Variants in ZNF17 observed in about 807,000 individuals in gnomAD.
The protein encoded by ZNF17 is zinc finger protein 17 (HPF3, KOX 10).
Under a neutral mutation model 7.7 loss-of-function variants are expected in ZNF17, and 4 were observed. That is an observed-to-expected ratio of 0.52 (90% CI 0.26 to 1.20). The LOEUF (loss-of-function observed/expected upper bound fraction) is 1.20. Ranked by LOEUF, ZNF17 falls within the 50% of genes most tolerant of loss-of-function variation. ZNF17 has a pLI of 0.14. For synonymous variants in ZNF17, 249 were observed against 258.8 expected, an observed-to-expected ratio of 0.96 and a Z score of 0.36; for missense variants, 738 against 799.5, an observed-to-expected ratio of 0.92 and a Z score of 0.93.
Position 57,413,651 on chromosome 19 carries a change from T to C in ZNF17, c.21+15T>C. ...ATGCTGGACAGGTGAGTGGAGAGTG[T>C]TTCCAGCTTTCACCCATCCCAGATG... On this transcript the variant is annotated intron_variant, in intron 2 of 3. Coordinates refer to ENST00000307658, the MANE Select transcript of ZNF17 (RefSeq NM_001330617.2). 6.5e-7 allele frequency: 1 copy of C among 1,536,082 alleles called. No individual in the cohort carries two copies.
intron 2 of ZNF17, among the ~76,000 whole-genome samples, chr19:57,416,947 G>C (rs116969157): frequency 6.6e-6 from 1 of 152,198 alleles, no homozygotes. Flanking sequence ...TCCTTCAGAA[G>C]TGGGTGGAGG....
At position 57,421,107 on chromosome 19, in the gene ZNF17, T is replaced by A. The variant is rs751065105; in HGVS notation, c.1621T>A (p.Ser541Thr). The change falls in exon 4 of 4, where the codon TCA (serine) becomes ACA (threonine). Residue 541 changes from serine (S) to threonine (T), a missense_variant. Ser to Thr is a moderately conservative substitution (Grantham distance 58). Coordinates refer to ENST00000307658, the MANE Select transcript of ZNF17 (RefSeq NM_001330617.2). Reference sequence around the variant, plus strand: ...ATGTGGGAAATTCTTTAGGCACAACTCAAATCATATTAGACATCGGAGAAA... The same window carrying A: ...ATGTGGGAAATTCTTTAGGCACAACACAAATCATATTAGACATCGGAGAAA... The part of the protein sequence containing the change: ...SECGKFFRHN[S>T]NHIRHRRNHF... 2.5e-6 allele frequency: 4 copies of A among 1,613,916 alleles called. No individual in the cohort carries two copies. Among genetic ancestry groups the A allele is most frequent in the Non-Finnish European group, 8.5e-7 (1 of 1,179,856 alleles).
chr19:57,420,681 T>G lies in ZNF17; in HGVS notation c.1195T>G (p.Tyr399Asp), dbSNP rs1268967583. The part of the protein sequence containing the change: ...ECNECGKFFR[Y>D]RSTLIRHQKV... ...CAACGAATGTGGGAAATTCTTTAGA[T>G]ACCGTTCCACACTCATTAGACATCA... is the stretch of plus-strand genomic sequence containing the variant. The change falls in exon 4 of 4, where the codon TAC (tyrosine) becomes GAC (aspartate). Residue 399 changes from tyrosine (Y) to aspartate (D), a missense_variant. Transcript: ENST00000307658. The G allele has an allele frequency of 6.2e-7, 1 of 1,613,620 alleles. No individual in the cohort carries two copies. Among genetic ancestry groups the G allele is most frequent in the Admixed American group, 1.7e-5 (1 of 59,976 alleles).
At position 57,416,402 on chromosome 19, in the gene ZNF17, G is replaced by A. The variant is rs368463653; in HGVS notation, c.22-1510G>A. 6.6e-5 allele frequency among the ~76,000 whole-genome samples: 10 copies of A among 152,278 alleles called. 1 individual carries two copies. In the East Asian group the frequency reaches 1.5e-3, roughly 24 times the overall value. On this transcript the variant is annotated intron_variant, in intron 2 of 3. Coordinates refer to ENST00000307658, the MANE Select transcript of ZNF17 (RefSeq NM_001330617.2). Reference sequence around the variant, plus strand: ...TCCACCTCTGGCACTGGGCACTTAAGGGAGGAGGGTGAGTCCAAGTTTGGT... The same window carrying A: ...TCCACCTCTGGCACTGGGCACTTAAAGGAGGAGGGTGAGTCCAAGTTTGGT...
Position 57,413,579 on chromosome 19 carries a change from C to T in ZNF17, c.-20-17C>T, listed in dbSNP as rs1249030237. The T allele has an allele frequency of 3.3e-6, 5 of 1,535,724 alleles. No individual in the cohort carries two copies. The Admixed American group carries it at 9.8e-5, about 30-fold the overall frequency. The stretch of plus-strand genomic sequence containing the variant: ...TGCAATGCTGTCTTAATCCTCATGG[C>T]CTGCCTCTTCCCACAGGGTTCATAG... On this transcript the variant is annotated splice_polypyrimidine_tract_variant and intron_variant, in intron 1 of 3. Coordinates refer to ENST00000307658, the MANE Select transcript of ZNF17 (RefSeq NM_001330617.2).
In ZNF17 at chr19:57,419,684, T is replaced by C; in HGVS notation, c.198T>C (p.Val66=). 6.2e-7 allele frequency: 1 copy of C among 1,614,088 alleles called. No individual in the cohort carries two copies. The highest frequency in any genetic ancestry group is 1.7e-5 in the Admixed American group (1 of 60,018). The change falls in exon 4 of 4, where the codon GTT becomes GTC. Residue 66 remains valine, a synonymous_variant. Coordinates refer to ENST00000307658, the MANE Select transcript of ZNF17 (RefSeq NM_001330617.2). ...KDEEAPSKQC[V]SVGVSQVTTL... is the part of the protein sequence containing the mutation. The stretch of plus-strand genomic sequence containing the variant: ...AGGAGGCACCTTCCAAGCAATGTGT[T>C]TCTGTAGGAGTGTCACAGGTCACAA...
rs751065105 is a variant in ZNF17 at position 57,421,107 on chromosome 19, T to G, written c.1621T>G (p.Ser541Ala). 2.6e-5 allele frequency: 42 copies of G among 1,614,034 alleles called. No individual in the cohort carries two copies. The highest frequency in any genetic ancestry group is 3.5e-5 in the Non-Finnish European group (41 of 1,179,848). Residue 541 changes from serine to alanine, a missense_variant, in exon 4 of 4, where the codon TCA (serine) becomes GCA (alanine). Ser to Ala is a moderately conservative substitution (Grantham distance 99). This residue lies in a region of ZNF17 where 616 missense variants were observed against 663.9 expected (regional missense o/e 0.93). Transcript: ENST00000307658. ...SECGKFFRHNSNHIRHRRNHF... is the reference protein window; with the variant it reads ...SECGKFFRHNANHIRHRRNHF... ...ATGTGGGAAATTCTTTAGGCACAAC[T>G]CAAATCATATTAGACATCGGAGAAA...
At chr19:57,416,080 T>A (rs561686932) in intron 2 of ZNF17, among the ~76,000 whole-genome samples, 1 of 151,620 alleles carries the variant, frequency 6.6e-6, no homozygotes, top group Non-Finnish European at 1.5e-5. Context: ...TCAAAGGAGG[T>A]GTGCAAGAAT....
In ZNF17 at chr19:57,411,285, G is replaced by C; in HGVS notation, c.-142G>C. The C allele has an allele frequency of 6.7e-7, 1 of 1,500,256 alleles. No homozygotes were observed. The highest frequency in any genetic ancestry group is 1.2e-5 in the South Asian group (1 of 80,524). The allele number at this position is 1,500,256 out of a possible 1,614,324, so 92.9% of individuals were successfully genotyped here. The stretch of plus-strand genomic sequence containing the variant: ...GTTTCCCCGTTGTACAGAGGCTAGA[G>C]TGAGGCTCGGTTGAATCGGTTGCAG... On this transcript the variant is annotated 5_prime_UTR_variant, in exon 1 of 4. Transcript: ENST00000307658.
intron 1 of ZNF17, 45 bp downstream of exon 1, chr19:57,411,451 G>A (rs1489461899): frequency 6.2e-7 from 1 of 1,603,452 alleles, no homozygotes. Flanking sequence ...CCTCCTCCGA[G>A]TGCCGAAGCC....
intron 2 of ZNF17, among the ~76,000 whole-genome samples, chr19:57,416,982 G>T (rs1183249108): frequency 6.6e-6 from 1 of 152,174 alleles, no homozygotes; most frequent in African/African-American, 2.4e-5. Context: ...ATGTGTGTGG[G>T]TGTGGTGAGG....
Position 57,419,574 on chromosome 19 carries a change from G to C in ZNF17, c.149-61G>C, listed in dbSNP as rs544528257. 16 of 1,534,892 alleles carry C rather than the reference G, an allele frequency of 1.0e-5. No homozygotes were observed. The African/African-American group carries it at 2.2e-4, about 21-fold the overall frequency. On this transcript the variant is annotated intron_variant, in intron 3 of 3. Transcript: ENST00000307658. ...TTGTGAGTTGGTCTGACAGACATTT[G>C]TTATGGGGCTGCCTCTTCCCTCCAA... is the stretch of plus-strand genomic sequence containing the variant.
Position 57,420,238 on chromosome 19 carries a change from G to T in ZNF17, c.752G>T (p.Ser251Ile). 1.2e-6 allele frequency: 2 copies of T among 1,614,196 alleles called. No individual in the cohort carries two copies. The highest frequency in any genetic ancestry group is 1.7e-6 in the Non-Finnish European group (2 of 1,180,030). ...NHTGERPYKC[S>I]ECGKAFSLKY... ...ACTGGAGAAAGGCCTTATAAGTGTA[G>T]TGAATGTGGAAAAGCCTTCAGCCTC... is the stretch of plus-strand genomic sequence containing the variant. Residue 251 changes from serine (S) to isoleucine (I), a missense_variant, in exon 4 of 4, where the codon AGT (serine) becomes ATT (isoleucine). Physicochemically the swap from Ser to Ile is moderately radical, Grantham distance 142 (BLOSUM62 -2). Coordinates refer to ENST00000307658, the MANE Select transcript of ZNF17 (RefSeq NM_001330617.2).
At chr19:57,413,757 G>A in intron 2 of ZNF17, 121 bp downstream of exon 2, 1 of 1,251,806 alleles carries the variant, frequency 8.0e-7, no homozygotes, top group Non-Finnish European at 1.1e-6. Flanking sequence ...TCCAAGGAGA[G>A]CCTGTAGTTC....
chr19:57,412,554 C>T (rs191376007), intron 1 of ZNF17, among the ~76,000 whole-genome samples: 35 of 151,830 alleles, frequency 2.3e-4, no homozygotes, highest in African/African-American at 8.2e-4. Context: ...AAGCAATTCT[C>T]CTGCCTCAGC....
chr19:57,412,257 G>A (rs2088782078), intron 1 of ZNF17, among the ~76,000 whole-genome samples: 1 of 152,112 alleles, frequency 6.6e-6, no homozygotes, highest in Non-Finnish European at 1.5e-5. Context: ...GGAACAATAG[G>A]AAGGTCATCC....
At chr19:57,416,873 T>A (rs1259505836) in intron 2 of ZNF17, among the ~76,000 whole-genome samples, 3 of 152,000 alleles carry the variant, frequency 2.0e-5, no homozygotes, top group Non-Finnish European at 4.4e-5. Flanking sequence ...TATACTGGAG[T>A]CAGTGATCAG....
Position 57,421,415 on chromosome 19 carries a change from T to A in ZNF17, c.1929T>A (p.Ser643Arg). Residue 643 changes from serine to arginine, a missense_variant, in exon 4 of 4, where the codon AGT becomes AGA. Coordinates refer to ENST00000307658, the MANE Select transcript of ZNF17 (RefSeq NM_001330617.2). ...IHTGERPYQC[S>R]ECGRVFNQNS... Reference sequence around the variant, plus strand: ...CTGGAGAGAGACCTTATCAGTGCAGTGAATGTGGAAGAGTCTTTAACCAAA... The same window carrying A: ...CTGGAGAGAGACCTTATCAGTGCAGAGAATGTGGAAGAGTCTTTAACCAAA... 1 of 1,614,028 alleles carries A rather than the reference T, an allele frequency of 6.2e-7. No homozygotes were observed. The highest frequency in any genetic ancestry group is 1.1e-5 in the South Asian group (1 of 91,040).
At position 57,420,622 on chromosome 19, in the gene ZNF17, A is replaced by G. The variant is rs2088843590; in HGVS notation, c.1136A>G (p.Gln379Arg). 1.2e-6 allele frequency: 2 copies of G among 1,613,356 alleles called. No individual in the cohort carries two copies. Among genetic ancestry groups the G allele is most frequent in the African/African-American group, 2.7e-5 (2 of 74,940 alleles). Residue 379 changes from glutamine (Q) to arginine (R), a missense_variant, in exon 4 of 4, where the codon CAG becomes CGG. Gln to Arg is a conservative substitution (Grantham distance 43). Around this residue, in one of 3 missense-constraint regions of ZNF17, gnomAD observed 616 missense variants for 663.9 expected, o/e 0.93. Transcript: ENST00000307658. Reference sequence around the variant, plus strand: ...GACAGCTGCACACTCATTATTCACCAGAGAGTTCATACTGGAGAAAAACCT... The same window carrying G: ...GACAGCTGCACACTCATTATTCACCGGAGAGTTCATACTGGAGAAAAACCT... ...FMDSCTLIIH[Q>R]RVHTGEKPYE...
Sources: allele counts gnomAD v4.1 joint callset (sites outside exome capture counted in the v4.1 genomes callset), GRCh38; gene constraint gnomAD v4.1.1; regional missense constraint gnomAD v4.1.1; transcripts MANE v1.5; gene names NCBI Gene and HGNC (gene_info 2026-07-23, HGNC 2026-07-21).